SPAG16: variants seen among roughly 807,000 people sequenced by gnomAD.
SPAG16 encodes the protein sperm-associated antigen 16 protein.
SPAG16 carries 86 observed loss-of-function variants against 80.4 expected under a neutral mutation model. The observed-to-expected ratio is 1.07, with a 90% confidence interval of 0.90 to 1.28. SPAG16 has a LOEUF of 1.28. Among genes scored for constraint, SPAG16 ranks in the 50% most tolerant of loss-of-function variants. The probability of loss-of-function intolerance (pLI) is 0.00; values close to 1 mark genes in which losing one functional copy is unlikely to be tolerated. For synonymous variants in SPAG16, 294 were observed against 265.9 expected (o/e 1.11, Z -1.03); for missense variants, 870 against 765.3 (o/e 1.14, Z -1.61).
intron 13 of SPAG16, among the ~76,000 whole-genome samples, chr2:214,064,122 T>G (rs2050417096): frequency 6.6e-6 from 1 of 152,152 alleles, no homozygotes; most frequent in South Asian, 2.1e-4. Context: ...ATATATCCTT[T>G]TATTATTTCA....
At chr2:213,869,468 A>G (rs1035993788) in intron 11 of SPAG16, among the ~76,000 whole-genome samples, 16 of 151,462 alleles carry the variant, frequency 1.1e-4, no homozygotes, top group Non-Finnish European at 2.2e-4. Context: ...AGCTGTTTTC[A>G]TAATCTGGAA....
intron 11 of SPAG16, among the ~76,000 whole-genome samples, chr2:213,923,342 G>A (rs1317632919): frequency 3.3e-5 from 5 of 152,174 alleles, no homozygotes; most frequent in Admixed American, 1.3e-4. Context: ...GTCAGGCAGC[G>A]TCGTGTGCCC....
chr2:213,690,027 A>G (rs2064871691), intron 10 of SPAG16, among the ~76,000 whole-genome samples: 1 of 152,174 alleles, frequency 6.6e-6, no homozygotes, highest in South Asian at 2.1e-4. Context: ...TCTGGCCTCC[A>G]TAATGTCTGA....
chr2:213,405,109 G>A (rs573786335), intron 9 of SPAG16, among the ~76,000 whole-genome samples: 1 of 152,090 alleles, frequency 6.6e-6, no homozygotes, highest in African/African-American at 2.4e-5. Flanking sequence ...CACTACTGTC[G>A]AGTGTAACAA....
At chr2:213,524,929 A>G (rs1214393841) in intron 10 of SPAG16, among the ~76,000 whole-genome samples, 1 of 152,040 alleles carries the variant, frequency 6.6e-6, no homozygotes, top group Non-Finnish European at 1.5e-5. Context: ...GAAATGTGGG[A>G]CCTGTGATTT....
chr2:213,978,443 G>C (rs2045530835), intron 12 of SPAG16, among the ~76,000 whole-genome samples: 1 of 152,056 alleles, frequency 6.6e-6, no homozygotes, highest in Non-Finnish European at 1.5e-5. Context: ...CTAACAGTCT[G>C]TTCGAGGTTT....
At chr2:213,554,731 G>A (rs992385292) in intron 10 of SPAG16, among the ~76,000 whole-genome samples, 1 of 151,308 alleles carries the variant, frequency 6.6e-6, no homozygotes, top group Admixed American at 6.6e-5. Context: ...AAGTGTCAAA[G>A]CAGAATTAGT....
intron 9 of SPAG16, among the ~76,000 whole-genome samples, chr2:213,424,879 A>G (rs1236854215): frequency 2.0e-5 from 3 of 152,194 alleles, no homozygotes; most frequent in Non-Finnish European, 1.5e-5. Flanking sequence ...CCACTGAGTT[A>G]TATTCATTTC....
At chr2:213,288,077 G>T (rs2062120693) in intron 1 of SPAG16, among the ~76,000 whole-genome samples, 1 of 151,840 alleles carries the variant, frequency 6.6e-6, no homozygotes, top group African/African-American at 2.4e-5. Context: ...AGCTAATTTT[G>T]TTTGTTTGTT....
chr2:213,943,203 A>T (rs1490383551), intron 12 of SPAG16, among the ~76,000 whole-genome samples: 1 of 152,218 alleles, frequency 6.6e-6, no homozygotes, highest in Non-Finnish European at 1.5e-5. Flanking sequence ...ATTGGTACTT[A>T]GAAGTGGAGT....
intron 9 of SPAG16, among the ~76,000 whole-genome samples, chr2:213,394,102 C>A (rs1054031550): frequency 2.6e-5 from 4 of 151,952 alleles, no homozygotes; most frequent in Non-Finnish European, 5.9e-5. Context: ...TCAGTACTTT[C>A]TTTTATGATA....
chr2:214,395,382 G>A (rs940671791), intron 15 of SPAG16, among the ~76,000 whole-genome samples: 1 of 152,124 alleles, frequency 6.6e-6, no homozygotes, highest in Non-Finnish European at 1.5e-5. Flanking sequence ...TGTTATCAAT[G>A]TTCTGGTGTA....
At chr2:213,470,897 T>A (rs1427981683) in intron 9 of SPAG16, among the ~76,000 whole-genome samples, 2 of 152,216 alleles carry the variant, frequency 1.3e-5, no homozygotes, top group Non-Finnish European at 2.9e-5. Flanking sequence ...TGCCCCAAAT[T>A]TCTTTGTCAC....
chr2:214,307,004 C>G (rs1246542269), intron 15 of SPAG16, among the ~76,000 whole-genome samples: 2 of 151,934 alleles, frequency 1.3e-5, no homozygotes, highest in African/African-American at 4.8e-5. Context: ...GGTGTGAATC[C>G]GTCTAGTTCT....
At chr2:213,465,466 A>G (rs1021458283) in intron 9 of SPAG16, among the ~76,000 whole-genome samples, 1 of 152,144 alleles carries the variant, frequency 6.6e-6, no homozygotes, top group Non-Finnish European at 1.5e-5. Flanking sequence ...CTCTGGCTGC[A>G]TAGGTTTGCA....
chr2:213,626,734 G>T (rs2061975869), intron 10 of SPAG16, among the ~76,000 whole-genome samples: 1 of 138,202 alleles, frequency 7.2e-6, no homozygotes, highest in South Asian at 2.4e-4. Context: ...TGCAACCTCC[G>T]CCTCCTGAGT....
intron 10 of SPAG16, among the ~76,000 whole-genome samples, chr2:213,616,018 C>T (rs184139590): frequency 7.2e-5 from 11 of 152,086 alleles, no homozygotes; most frequent in African/African-American, 2.2e-4. Flanking sequence ...ACGTAACAAA[C>T]CTGCATGTTC....
At chr2:213,577,816 G>T (rs1045347771) in intron 10 of SPAG16, among the ~76,000 whole-genome samples, 1 of 152,120 alleles carries the variant, frequency 6.6e-6, no homozygotes, top group Non-Finnish European at 1.5e-5. Flanking sequence ...CAAATGCTGA[G>T]ACTTCTGAGA....
intron 10 of SPAG16, among the ~76,000 whole-genome samples, chr2:213,762,272 A>G (rs977601739): frequency 2.0e-5 from 3 of 152,196 alleles, no homozygotes; most frequent in Non-Finnish European, 4.4e-5. Context: ...AAAAAGAGTG[A>G]TGGAGATGAA....
Sources: allele counts gnomAD v4.1 joint callset (sites outside exome capture counted in the v4.1 genomes callset), GRCh38; gene constraint gnomAD v4.1.1; transcripts MANE v1.5; gene names NCBI Gene and HGNC (gene_info 2026-07-23, HGNC 2026-07-21).